LRFN5: variants seen among roughly 807,000 people sequenced by gnomAD.
The protein encoded by LRFN5 is leucine-rich repeat and fibronectin type-III domain-containing protein 5.
LRFN5 carries 24 observed loss-of-function variants against 45.6 expected under a neutral mutation model. The observed-to-expected ratio is 0.53, with a 90% CI of 0.38 to 0.74. The LOEUF is 0.74. Ranked by LOEUF, LRFN5 falls within the 30% of genes least tolerant of loss-of-function variation. The pLI, the probability that LRFN5 is intolerant of heterozygous loss-of-function variation, is 0.00. For missense variants in LRFN5, 776 were observed against 861.5 expected (o/e 0.90, Z 1.24); for synonymous variants, 340 against 313.8 (o/e 1.08, Z -0.88).
Position 41,887,423 on chromosome 14 carries a change from T to C in LRFN5, c.798T>C (p.Pro266=). 1.9e-6 allele frequency: 3 copies of C among 1,614,196 alleles called. No individual in the cohort carries two copies. Among genetic ancestry groups the C allele is most frequent in the Non-Finnish European group, 2.5e-6 (3 of 1,180,034 alleles). Residue 266 remains proline, a synonymous_variant, in exon 3 of 6, where the codon CCT becomes CCC. Transcript: ENST00000298119. This position sits in a 1 kb window ranked among gnomAD's most constrained non-coding sequence, Gnocchi z 4.8. ...ATGACTTAGAGACCTGTGCTTCTCCTCCACTTTTAACTGGCCGCTACTTTT... is the reference window on the plus strand; with the variant it reads ...ATGACTTAGAGACCTGTGCTTCTCCCCCACTTTTAACTGGCCGCTACTTTT... The part of the protein sequence containing the change: ...REDDLETCAS[P]PLLTGRYFWS...
intron 1 of LRFN5, among the ~76,000 whole-genome samples, chr14:41,664,407 C>T (rs1483014871): frequency 6.6e-6 from 1 of 151,852 alleles, no homozygotes; most frequent in Admixed American, 6.6e-5. Context: ...GTGGTATCTA[C>T]TCCTGATATT....
At chr14:41,685,118 T>A (rs1882063748) in intron 1 of LRFN5, among the ~76,000 whole-genome samples, 1 of 152,158 alleles carries the variant, frequency 6.6e-6, no homozygotes, top group South Asian at 2.1e-4. Context: ...TTGTGCAAGT[T>A]AAAATGCTTT....
At chr14:41,898,685 G>T (rs549817336) in intron 4 of LRFN5, among the ~76,000 whole-genome samples, 5 of 152,002 alleles carry the variant, frequency 3.3e-5, no homozygotes, top group Admixed American at 1.3e-4. Context: ...TAACATTTTA[G>T]AATATTATGT....
At chr14:41,820,360 A>G (rs1003153537) in intron 2 of LRFN5, among the ~76,000 whole-genome samples, 3 of 152,022 alleles carry the variant, frequency 2.0e-5, no homozygotes, top group Non-Finnish European at 4.4e-5. Context: ...AGCACCATTT[A>G]TCAAATAGAT....
chr14:41,823,257 T>A (rs2593764), intron 2 of LRFN5, among the ~76,000 whole-genome samples: 65,910 of 151,540 alleles, frequency 0.43, 14,826 homozygotes, highest in Non-Finnish European at 0.5. Context: ...CATTTTTTTT[T>A]ATGACAGTGA....
chr14:41,697,558 ATCTT>A (rs2138718158), intron 1 of LRFN5, among the ~76,000 whole-genome samples: 1 of 151,762 alleles, frequency 6.6e-6, no homozygotes, highest in African/African-American at 2.4e-5. Context: ...TAATTTTAAT[ATCTT>A]TCATGTGGAT....
Position 41,891,397 on chromosome 14 carries a change from A to G in LRFN5, c.1533A>G (p.Glu511=), listed in dbSNP as rs775719527. ...RVVGCIQFTT[E]QDYVRCHFMQ... is the part of the protein sequence containing the mutation. ...TGGGTTGCATCCAGTTTACTACGGAACAGGATTATGTGCGTTGCCATTTCA... is the reference window on the plus strand; with the variant it reads ...TGGGTTGCATCCAGTTTACTACGGAGCAGGATTATGTGCGTTGCCATTTCA... Residue 511 remains glutamate, a synonymous_variant, in exon 4 of 6, where the codon GAA becomes GAG. Transcript: ENST00000298119. 6.2e-6 allele frequency: 10 copies of G among 1,614,154 alleles called. No individual in the cohort carries two copies. In the South Asian group the frequency reaches 9.9e-5, roughly 16 times the overall value.
At chr14:41,737,574 G>T (rs961623592) in intron 1 of LRFN5, among the ~76,000 whole-genome samples, 1 of 152,088 alleles carries the variant, frequency 6.6e-6, no homozygotes. Flanking sequence ...TCTGTTTGTG[G>T]ATGACATGAT....
At chr14:41,773,669 C>T (rs1265254182) in intron 2 of LRFN5, among the ~76,000 whole-genome samples, 1 of 152,082 alleles carries the variant, frequency 6.6e-6, no homozygotes, top group South Asian at 2.1e-4. Flanking sequence ...TAAGGCAGTA[C>T]ACTGCAGAAA....
At chr14:41,622,563 T>A (rs1450374775) in intron 1 of LRFN5, among the ~76,000 whole-genome samples, 1 of 152,098 alleles carries the variant, frequency 6.6e-6, no homozygotes, top group Non-Finnish European at 1.5e-5. Flanking sequence ...GTACTGTTCA[T>A]AATTATCATA....
intron 2 of LRFN5, among the ~76,000 whole-genome samples, chr14:41,769,488 G>A (rs1048015488): frequency 1.3e-5 from 2 of 152,048 alleles, no homozygotes; most frequent in African/African-American, 4.8e-5. Context: ...CTATGTATGT[G>A]TGTGTATTTA....
At chr14:41,672,333 CCTT>C (rs1230502553) in intron 1 of LRFN5, among the ~76,000 whole-genome samples, 1 of 152,102 alleles carries the variant, frequency 6.6e-6, no homozygotes, top group Non-Finnish European at 1.5e-5. Flanking sequence ...TATCATTCCT[CCTT>C]CTCTTTATTT....
intron 1 of LRFN5, among the ~76,000 whole-genome samples, chr14:41,705,563 A>C (rs1883029762): frequency 1.3e-5 from 2 of 152,192 alleles, no homozygotes. Flanking sequence ...GGATCATATA[A>C]GACATTGTAT....
At chr14:41,848,496 T>TC (rs1889146980) in intron 2 of LRFN5, among the ~76,000 whole-genome samples, 1 of 151,290 alleles carries the variant, frequency 6.6e-6, no homozygotes, top group African/African-American at 2.4e-5. Flanking sequence ...CTGCATTATT[T>TC]TTTTTTCGTA....
At chr14:41,790,694 G>A (rs550860575) in intron 2 of LRFN5, among the ~76,000 whole-genome samples, 21 of 150,950 alleles carry the variant, frequency 1.4e-4, no homozygotes, top group Admixed American at 6.0e-4. Flanking sequence ...TTTATCAGTC[G>A]ATCATTTAGG....
intron 1 of LRFN5, among the ~76,000 whole-genome samples, chr14:41,738,170 A>G (rs1340022478): frequency 6.6e-6 from 1 of 152,200 alleles, no homozygotes; most frequent in African/African-American, 2.4e-5. Flanking sequence ...GGAACAAAAC[A>G]GAAGCCTCGG....
Position 41,891,419 on chromosome 14 carries a change from T to C in LRFN5, c.1555T>C (p.Phe519Leu). Residue 519 changes from phenylalanine (F) to leucine (L), a missense_variant, in exon 4 of 6, where the codon TTC (phenylalanine) becomes CTC (leucine). Transcript: ENST00000298119. ...TTEQDYVRCH[F>L]MQSQFLGGTM... is the part of the protein sequence containing the mutation. The stretch of plus-strand genomic sequence containing the variant: ...GGAACAGGATTATGTGCGTTGCCAT[T>C]TCATGCAGTCTCAGTTTTTGGGAGG... 1 of 1,614,158 alleles carries C rather than the reference T, an allele frequency of 6.2e-7. No homozygotes were observed. Among genetic ancestry groups the C allele is most frequent in the Non-Finnish European group, 8.5e-7 (1 of 1,180,034 alleles).
intron 1 of LRFN5, among the ~76,000 whole-genome samples, chr14:41,676,272 T>C (rs1881624801): frequency 6.6e-6 from 1 of 152,212 alleles, no homozygotes; most frequent in African/African-American, 2.4e-5. Context: ...CTACTTCCCC[T>C]TGTGGTGCTC....
intron 2 of LRFN5, among the ~76,000 whole-genome samples, chr14:41,816,761 A>G (rs914175444): frequency 6.6e-6 from 1 of 151,920 alleles, no homozygotes; most frequent in Non-Finnish European, 1.5e-5. Context: ...TTTTTGACAT[A>G]TGTACTGCTT....
Sources: gnomAD v4.1 joint callset for allele counts (sites outside exome capture counted in the v4.1 genomes callset) on GRCh38, gnomAD v4.1.1 for gene constraint, Gnocchi (gnomAD v3.1) non-coding constraint, MANE v1.5 for transcripts, NCBI Gene and HGNC (gene_info 2026-07-23, HGNC 2026-07-21) for gene names.